MAMDC2: variants seen among roughly 807,000 people sequenced by gnomAD.
The protein encoded by MAMDC2 is MAM domain-containing protein 2.
MAMDC2 carries 57 observed loss-of-function variants against 89.8 expected under a neutral mutation model. The observed-to-expected ratio is 0.63, with a 90% CI of 0.51 to 0.79. The LOEUF (loss-of-function observed/expected upper bound fraction) is 0.79. Ranked by LOEUF, MAMDC2 falls within the 30% of genes least tolerant of loss-of-function variation. The pLI is 0.00. For missense variants in MAMDC2, 800 were observed against 820.6 expected (o/e 0.97, Z 0.31); for synonymous variants, 313 against 293.4 (o/e 1.07, Z -0.68).
At chr9:70,060,706 C>G (rs566378917) in intron 2 of MAMDC2, 2 of 152,238 alleles carry the variant, frequency 1.3e-5, no homozygotes, top group South Asian at 4.1e-4. Flanking sequence ...GTCTGTCTGT[C>G]TGTCTGTGTC....
At position 70,143,801 on chromosome 9, in the gene MAMDC2, G is replaced by A; in HGVS notation, c.1386G>A (p.Lys462=). Residue 462 remains lysine, a synonymous_variant, in exon 9 of 14, where the codon AAG becomes AAA. Transcript: ENST00000377182. ...GGATGCAAGCTGAAATCACCTTTAA[G>A]AAGCCCATGCCTACCAAGGTACAGC... ...GVWMQAEITF[K]KPMPTKVVFM... 6.2e-7 allele frequency: 1 copy of A among 1,614,056 alleles called. No individual in the cohort carries two copies. The highest frequency in any genetic ancestry group is 1.1e-5 in the South Asian group (1 of 91,078).
At chr9:70,065,195 C>T (rs1192988574) in intron 2 of MAMDC2, among the ~76,000 whole-genome samples, 1 of 152,054 alleles carries the variant, frequency 6.6e-6, no homozygotes, top group East Asian at 1.9e-4. Flanking sequence ...TAAAATAGAA[C>T]CTTATTATTG....
intron 11 of MAMDC2, among the ~76,000 whole-genome samples, chr9:70,205,377 T>G (rs1308948948): frequency 6.6e-6 from 1 of 152,140 alleles, no homozygotes; most frequent in Non-Finnish European, 1.5e-5. Flanking sequence ...TAAAGAGAAA[T>G]TTTAGAGCGA....
intron 11 of MAMDC2, among the ~76,000 whole-genome samples, chr9:70,209,102 G>C (rs186139383): frequency 2.6e-5 from 4 of 152,192 alleles, no homozygotes; most frequent in African/African-American, 9.6e-5. Flanking sequence ...CTTTTTTGTT[G>C]CGTCTCTGCC....
chr9:70,085,730 C>G (rs993944383), intron 2 of MAMDC2: 2 of 152,008 alleles, frequency 1.3e-5, no homozygotes, highest in African/African-American at 4.8e-5. Flanking sequence ...TACCCTGCCC[C>G]CCATCTGGTT....
At chr9:70,151,636 G>A (rs995277837) in intron 9 of MAMDC2, among the ~76,000 whole-genome samples, 2 of 152,156 alleles carry the variant, frequency 1.3e-5, no homozygotes, top group East Asian at 1.9e-4. Flanking sequence ...GGTGGTCAAG[G>A]TCTCTCTCCA....
intron 11 of MAMDC2, among the ~76,000 whole-genome samples, chr9:70,179,690 C>T (rs1318397159): frequency 6.7e-6 from 1 of 148,598 alleles, no homozygotes. Context: ...AACTCTTAGC[C>T]AGAAGATATA....
intron 11 of MAMDC2, among the ~76,000 whole-genome samples, chr9:70,215,777 G>A (rs536743419): frequency 3.9e-4 from 59 of 152,300 alleles, no homozygotes; most frequent in African/African-American, 1.0e-3. Context: ...CATATCCTGA[G>A]TCAGCCCAGT....
chr9:70,075,564 G>T (rs902616535), intron 2 of MAMDC2, among the ~76,000 whole-genome samples: 1 of 152,164 alleles, frequency 6.6e-6, no homozygotes, highest in African/African-American at 2.4e-5. Flanking sequence ...GATTGTGTGG[G>T]AAGCCGTGAG....
intron 5 of MAMDC2, among the ~76,000 whole-genome samples, chr9:70,115,734 C>G: frequency 6.6e-6 from 1 of 152,212 alleles, no homozygotes; most frequent in Non-Finnish European, 1.5e-5. Context: ...GTAGGAACCA[C>G]ACTATAAATA....
chr9:70,183,730 C>T (rs1164164315), intron 11 of MAMDC2, among the ~76,000 whole-genome samples: 1 of 151,948 alleles, frequency 6.6e-6, no homozygotes, highest in Admixed American at 6.6e-5. Context: ...TATTTTGAGC[C>T]TATGTGTGTC....
chr9:70,096,105 C>A (rs910335558), intron 2 of MAMDC2, among the ~76,000 whole-genome samples: 2 of 151,988 alleles, frequency 1.3e-5, no homozygotes, highest in African/African-American at 4.8e-5. Flanking sequence ...CTTTCTGCAG[C>A]CTCGACCTCC....
chr9:70,091,531 T>C (rs1338682479), intron 2 of MAMDC2, among the ~76,000 whole-genome samples: 1 of 152,194 alleles, frequency 6.6e-6, no homozygotes, highest in Non-Finnish European at 1.5e-5. Flanking sequence ...AATCAAATAA[T>C]TTTTTTAGTA....
chr9:70,127,873 A>G (rs2030631437), intron 6 of MAMDC2, among the ~76,000 whole-genome samples: 1 of 152,194 alleles, frequency 6.6e-6, no homozygotes, highest in Non-Finnish European at 1.5e-5. Flanking sequence ...TCAAAGTCAG[A>G]TGAGTCCCAC....
chr9:70,217,257 C>T lies in MAMDC2; in HGVS notation c.1652-1080C>T, dbSNP rs920306064. ...TCTACCCGGGACAGGGGAGGCACTA[C>T]GCCAGGACCGACGGGAAGGTTTTCG... On this transcript the variant is annotated intron_variant, in intron 11 of 13. Transcript: ENST00000377182. 57 of 997,558 alleles carry T rather than the reference C, an allele frequency of 5.7e-5. No homozygotes were observed. In the African/African-American group the frequency reaches 6.3e-4, roughly 11 times the overall value. The allele number at this position is 997,558 out of a possible 1,614,324, so 61.8% of individuals were successfully genotyped here. A position where few individuals can be genotyped will look rare whatever the true frequency, so the allele number is the denominator to read the frequency against.
intron 11 of MAMDC2, among the ~76,000 whole-genome samples, chr9:70,209,671 T>C (rs1409438826): frequency 2.0e-5 from 3 of 152,358 alleles, no homozygotes; most frequent in South Asian, 2.1e-4. Flanking sequence ...TCTTGCCTTC[T>C]GCTAGCTTTT....
intron 2 of MAMDC2, among the ~76,000 whole-genome samples, chr9:70,065,407 TG>T (rs1407365609): frequency 6.6e-6 from 1 of 152,170 alleles, no homozygotes; most frequent in East Asian, 1.9e-4. Flanking sequence ...TGTAAATATT[TG>T]GGTAGTTTAA....
At chr9:70,157,816 A>C (rs2031817608) in intron 9 of MAMDC2, 1 of 152,536 alleles carries the variant, frequency 6.6e-6, no homozygotes, top group Non-Finnish European at 1.5e-5. Context: ...ATACATTTAA[A>C]ATAAATATAT....
At chr9:70,175,485 A>G (rs1481315456) in intron 11 of MAMDC2, among the ~76,000 whole-genome samples, 1 of 140,658 alleles carries the variant, frequency 7.1e-6, no homozygotes, top group African/African-American at 2.6e-5. Context: ...TAGTGATGCT[A>G]GCATATTGTT....
Sources: allele counts gnomAD v4.1 joint callset (sites outside exome capture counted in the v4.1 genomes callset), GRCh38; gene constraint gnomAD v4.1.1; transcripts MANE v1.5; gene names NCBI Gene and HGNC (gene_info 2026-07-23, HGNC 2026-07-21).